The following IL1RAPL1 variants were observed in gnomAD, a reference collection of about 807,000 sequenced individuals.
IL1RAPL1 encodes interleukin 1 receptor accessory protein like 1.
In IL1RAPL1, 3 loss-of-function variants were observed where a neutral mutation model predicts 48.4. That is an observed-to-expected ratio of 0.06 (90% CI 0.03 to 0.16). The LOEUF (loss-of-function observed/expected upper bound fraction) is 0.16. Ranked by LOEUF, IL1RAPL1 falls within the 10% of genes least tolerant of loss-of-function variation. The pLI is 1.00. For synonymous variants in IL1RAPL1, 185 were observed against 187.7 expected, an observed-to-expected ratio of 0.99 and a Z score of 0.12; for missense variants, 349 against 530.6, an observed-to-expected ratio of 0.66 and a Z score of 3.36.
At chrX:29,686,419 A>G (rs4829265) in intron 6 of IL1RAPL1, among the ~76,000 whole-genome samples, 44,006 of 109,329 alleles carry the variant, frequency 0.4, 6,480 homozygotes, top group South Asian at 0.53. Context: ...TTAATTTCCA[A>G]CTGTCTATGG....
rs1012534612 is a variant in IL1RAPL1 at position 29,822,942 on chromosome X, T to C, written c.779-94522T>C. 4.5e-5 allele frequency among the ~76,000 whole-genome samples: 5 copies of C among 111,530 alleles called. No homozygotes were observed. In the East Asian group the frequency reaches 1.1e-3, roughly 25 times the overall value. ...GAGGAGAAAGATGAGGAATTTGATA[T>C]GATAATAGGAAATGGTGTGGCCAAA... is the stretch of plus-strand genomic sequence containing the variant. On this transcript the variant is annotated intron_variant, in intron 6 of 10. Coordinates refer to ENST00000378993, the MANE Select transcript of IL1RAPL1 (RefSeq NM_014271.4).
intron 1 of IL1RAPL1, among the ~76,000 whole-genome samples, chrX:28,654,807 C>T (rs1371729003): frequency 8.9e-6 from 1 of 112,087 alleles, no homozygotes; most frequent in Non-Finnish European, 1.9e-5. Context: ...AACTGAGTCT[C>T]ATGGAAATTG....
chrX:29,209,867 C>T (rs1930737817), intron 2 of IL1RAPL1, among the ~76,000 whole-genome samples: 1 of 112,142 alleles, frequency 8.9e-6, no homozygotes. Context: ...AGTAGAGCAC[C>T]AAGGCTCCTA....
chrX:29,237,296 A>T (rs1042126353), intron 2 of IL1RAPL1, among the ~76,000 whole-genome samples: 1 of 111,881 alleles, frequency 8.9e-6, no homozygotes, highest in African/African-American at 3.2e-5. Flanking sequence ...GTTTGTAGAT[A>T]CTCTAGGCTC....
chrX:29,764,187 T>G (rs1928822999), intron 6 of IL1RAPL1, among the ~76,000 whole-genome samples: 1 of 111,676 alleles, frequency 9.0e-6, no homozygotes, highest in African/African-American at 3.3e-5. Flanking sequence ...TTGATAGTCA[T>G]AAACTGGAGA....
intron 3 of IL1RAPL1, among the ~76,000 whole-genome samples, chrX:29,329,957 A>G (rs770741896): frequency 3.6e-5 from 4 of 111,402 alleles, no homozygotes; most frequent in Non-Finnish European, 7.5e-5. Flanking sequence ...AAGCAACTCT[A>G]TATAGAGAAA....
chrX:29,802,773 A>ATATGTG (rs1555922089), intron 6 of IL1RAPL1, among the ~76,000 whole-genome samples: 1 of 29,276 alleles, frequency 3.4e-5, no homozygotes, highest in African/African-American at 2.0e-4. Flanking sequence ...ATATATATAT[A>ATATGTG]TATATATATG....
At chrX:29,522,202 C>T (rs1214310328) in intron 5 of IL1RAPL1, among the ~76,000 whole-genome samples, 1 of 110,957 alleles carries the variant, frequency 9.0e-6, no homozygotes, top group Non-Finnish European at 1.9e-5. Context: ...CTCTCTCACC[C>T]AGGGTGGAAT....
chrX:29,176,453 G>A (rs531169143), intron 2 of IL1RAPL1, among the ~76,000 whole-genome samples: 3 of 109,122 alleles, frequency 2.7e-5, no homozygotes, highest in South Asian at 4.0e-4. Flanking sequence ...ACCCTTGTCC[G>A]AGTTTCTCAT....
chrX:29,750,515 G>A (rs1043894629), intron 6 of IL1RAPL1, among the ~76,000 whole-genome samples: 8 of 111,375 alleles, frequency 7.2e-5, no homozygotes, highest in African/African-American at 2.6e-4. Context: ...GGCCACACTA[G>A]GAAACAAAGA....
At chrX:29,286,525 G>T (rs947722241) in intron 3 of IL1RAPL1, among the ~76,000 whole-genome samples, 1 of 110,187 alleles carries the variant, frequency 9.1e-6, no homozygotes, top group Admixed American at 9.7e-5. Context: ...CTACAAAAAT[G>T]AAACTGTTTA....
intron 6 of IL1RAPL1, among the ~76,000 whole-genome samples, chrX:29,786,308 G>C (rs1929496951): frequency 9.0e-6 from 1 of 111,151 alleles, no homozygotes; most frequent in Non-Finnish European, 1.9e-5. Context: ...GGAAATAAGA[G>C]CACCCAGACA....
chrX:29,666,526 G>A (rs1342863941), intron 5 of IL1RAPL1, among the ~76,000 whole-genome samples: 1 of 107,522 alleles, frequency 9.3e-6, no homozygotes, highest in Non-Finnish European at 1.9e-5. Context: ...GAGCTTTAAA[G>A]AATTCCTTTA....
At chrX:28,885,985 G>A (rs1036780204) in intron 2 of IL1RAPL1, among the ~76,000 whole-genome samples, 1 of 110,347 alleles carries the variant, frequency 9.1e-6, no homozygotes, top group Non-Finnish European at 1.9e-5. Context: ...AACAACATAG[G>A]CTCCATACAA....
At chrX:29,098,417 A>G (rs1346497652) in intron 2 of IL1RAPL1, among the ~76,000 whole-genome samples, 1 of 112,426 alleles carries the variant, frequency 8.9e-6, no homozygotes, top group East Asian at 2.8e-4. Flanking sequence ...GTGTCAATTC[A>G]TCATTTTACA....
At chrX:29,053,598 T>C (rs761675284) in intron 2 of IL1RAPL1, among the ~76,000 whole-genome samples, 1 of 112,011 alleles carries the variant, frequency 8.9e-6, no homozygotes, top group African/African-American at 3.2e-5. Context: ...TTCCGACTAG[T>C]GTGAGATCAG....
chrX:28,740,154 A>G (rs1267014039), intron 1 of IL1RAPL1, among the ~76,000 whole-genome samples: 1 of 111,846 alleles, frequency 8.9e-6, no homozygotes, highest in Admixed American at 9.6e-5. Flanking sequence ...GAAATCATAA[A>G]TCCAATAAAC....
intron 6 of IL1RAPL1, among the ~76,000 whole-genome samples, chrX:29,758,653 G>A (rs1024910313): frequency 8.3e-5 from 9 of 107,863 alleles, no homozygotes; most frequent in African/African-American, 3.1e-4. Context: ...CCGAGATCAC[G>A]CCATTGCACT....
intron 2 of IL1RAPL1, among the ~76,000 whole-genome samples, chrX:28,913,370 A>G (rs1362076363): frequency 9.0e-6 from 1 of 111,729 alleles, no homozygotes; most frequent in Admixed American, 9.6e-5. Context: ...AATTACATAC[A>G]TAATTTTAGA....
Sources: gnomAD v4.1 joint callset for allele counts (sites outside exome capture counted in the v4.1 genomes callset) on GRCh38, gnomAD v4.1.1 for gene constraint, MANE v1.5 for transcripts, NCBI Gene and HGNC (gene_info 2026-07-23, HGNC 2026-07-21) for gene names.